The following SUFU variants were observed in gnomAD, a reference collection of about 807,000 sequenced individuals.
SUFU encodes the protein suppressor of fused homolog.
SUFU carries 7 observed loss-of-function variants against 58.9 expected under a neutral mutation model. The ratio of observed to expected loss-of-function variants is 0.12; its 90% CI spans 0.07 to 0.22. The LOEUF is 0.22. Ranked by LOEUF, SUFU falls within the 10% of genes least tolerant of loss-of-function variation. SUFU has a pLI of 1.00. For synonymous variants in SUFU, 232 were observed against 254.8 expected (o/e 0.91, Z 0.85); for missense variants, 451 against 641.3 (o/e 0.70, Z 3.20).
intron 2 of SUFU, among the ~76,000 whole-genome samples, chr10:102,524,444 C>T (rs568312759): frequency 6.6e-6 from 1 of 151,204 alleles, no homozygotes; most frequent in South Asian, 2.1e-4. Flanking sequence ...TCCTGCCTCA[C>T]CCTCCCAAGT....
In SUFU at chr10:102,506,064, A is replaced by G. The variant is rs867835495; in HGVS notation, c.182+1730A>G. ...GAAAAAAAAAAAAAAAAAAAAAAAA[A>G]AAGAAGTGGGCCTGGCTCTGCCACG... On this transcript the variant is annotated intron_variant, in intron 1 of 11. Transcript: ENST00000369902. Among the ~76,000 whole-genome samples the G allele has an allele frequency of 2.7e-5, 4 of 150,614 alleles. No individual in the cohort carries two copies. In the South Asian group the frequency reaches 6.3e-4, roughly 24 times the overall value.
At chr10:102,599,844 G>C (rs982762307) in intron 8 of SUFU, among the ~76,000 whole-genome samples, 9 of 152,210 alleles carry the variant, frequency 5.9e-5, no homozygotes, top group African/African-American at 2.2e-4. Context: ...TCCCAGCCTT[G>C]TGGGAGCCCA....
At chr10:102,564,601 G>A (rs1269320791) in intron 3 of SUFU, among the ~76,000 whole-genome samples, 1 of 152,186 alleles carries the variant, frequency 6.6e-6, no homozygotes, top group African/African-American at 2.4e-5. Flanking sequence ...CCAAAGTACT[G>A]GGGTTACAAG....
At chr10:102,586,871 C>T (rs1268031443) in intron 3 of SUFU, among the ~76,000 whole-genome samples, 1 of 152,186 alleles carries the variant, frequency 6.6e-6, no homozygotes, top group Non-Finnish European at 1.5e-5. Flanking sequence ...CTCGCTTCTC[C>T]CCCAGCCTCT....
At chr10:102,522,002 G>A (rs768014832) in intron 2 of SUFU, among the ~76,000 whole-genome samples, 4 of 152,144 alleles carry the variant, frequency 2.6e-5, no homozygotes, top group Non-Finnish European at 4.4e-5. Context: ...TGGGAGTGAC[G>A]CTGTCCCAGT....
chr10:102,598,474 C>G (rs1336281340), intron 7 of SUFU, among the ~76,000 whole-genome samples: 1 of 152,142 alleles, frequency 6.6e-6, no homozygotes, highest in African/African-American at 2.4e-5. Flanking sequence ...TCTTTCCTTC[C>G]TGTTTGTTCT....
chr10:102,517,675 G>A lies in SUFU; in HGVS notation c.317+8372G>A, dbSNP rs376644046. ...ATGTATCTTGCCTCTGAGGTATTCA[G>A]TGCAGCTTCATTTCTTGTTTCAGTT... On this transcript the variant is annotated intron_variant, in intron 2 of 11. Coordinates refer to ENST00000369902, the MANE Select transcript of SUFU (RefSeq NM_016169.4). 5.9e-5 allele frequency among the ~76,000 whole-genome samples: 9 copies of A among 152,270 alleles called. No individual in the cohort carries two copies. The East Asian group carries it at 1.2e-3, about 20-fold the overall frequency.
In SUFU at chr10:102,631,375, A is replaced by C; in HGVS notation, c.*1220A>C. ...TCGTGGTCCTCAGCCCCTCACCCCC[A>C]GTACTGCAGATCTCACAGTTTGCCT... is the stretch of plus-strand genomic sequence containing the variant. On this transcript the variant is annotated 3_prime_UTR_variant, in exon 12 of 12. Coordinates refer to ENST00000369902, the MANE Select transcript of SUFU (RefSeq NM_016169.4). 8.6e-6 allele frequency: 2 copies of C among 233,458 alleles called. No individual in the cohort carries two copies. Among genetic ancestry groups the C allele is most frequent in the Non-Finnish European group, 1.7e-5 (2 of 118,396 alleles). The allele number at this position is 233,458 out of a possible 1,614,324, so 14.5% of individuals were successfully genotyped here.
At chr10:102,594,265 A>C (rs982794314) in intron 6 of SUFU, among the ~76,000 whole-genome samples, 200 bp downstream of exon 6, 2 of 152,258 alleles carry the variant, frequency 1.3e-5, no homozygotes, top group South Asian at 4.1e-4. Flanking sequence ...GTCCTCAGAC[A>C]TATGTATTTT....
At chr10:102,570,265 G>A (rs747303336) in intron 3 of SUFU, among the ~76,000 whole-genome samples, 12 of 151,236 alleles carry the variant, frequency 7.9e-5, no homozygotes, top group Non-Finnish European at 1.3e-4. Flanking sequence ...TTATTGAGAC[G>A]GAGTCTTGTT....
At chr10:102,576,699 C>T (rs2135817041) in intron 3 of SUFU, among the ~76,000 whole-genome samples, 1 of 152,296 alleles carries the variant, frequency 6.6e-6, no homozygotes, top group East Asian at 1.9e-4. Context: ...AGGTCCATGG[C>T]AACTAAATGT....
chr10:102,562,580 A>C (rs1187440355), intron 3 of SUFU, among the ~76,000 whole-genome samples: 1 of 151,634 alleles, frequency 6.6e-6, no homozygotes, highest in Non-Finnish European at 1.5e-5. Flanking sequence ...TTCTATAGTT[A>C]AAAGTAAGTA....
intron 3 of SUFU, among the ~76,000 whole-genome samples, chr10:102,552,577 A>G (rs2135750058): frequency 6.6e-6 from 1 of 152,370 alleles, no homozygotes; most frequent in East Asian, 1.9e-4. Context: ...TTGAAAAAAA[A>G]GGGTCATTTT....
intron 2 of SUFU, among the ~76,000 whole-genome samples, chr10:102,545,293 A>ATTTTTTTTTTT (rs1162195255): frequency 2.8e-5 from 3 of 106,292 alleles, no homozygotes; most frequent in Non-Finnish European, 5.6e-5. Context: ...TAATTTTTGT[A>ATTTTTTTTTTT]TTTTTTTTTT....
At chr10:102,526,212 C>T (rs1380060008) in intron 2 of SUFU, among the ~76,000 whole-genome samples, 1 of 152,102 alleles carries the variant, frequency 6.6e-6, no homozygotes, top group Non-Finnish European at 1.5e-5. Context: ...AGCCACTGCA[C>T]GCCAGCCTGG....
At chr10:102,589,492 C>T (rs1168346281) in intron 3 of SUFU, among the ~76,000 whole-genome samples, 3 of 126,682 alleles carry the variant, frequency 2.4e-5, no homozygotes, top group African/African-American at 9.0e-5. Flanking sequence ...GTCACCCAGG[C>T]TGGAATGCAG....
chr10:102,585,907 CAG>C lies in SUFU; in HGVS notation c.455-6672_455-6671del, dbSNP rs2063331210. Reference sequence around the variant, plus strand: ...GTATATCTTTTTTTTTTTTTTTTGACAGAGTCTCACTCTGTTGCCCAGGCTGG... The same window carrying C: ...GTATATCTTTTTTTTTTTTTTTTGACAGTCTCACTCTGTTGCCCAGGCTGG... On this transcript the variant is annotated intron_variant, in intron 3 of 11. Coordinates refer to ENST00000369902, the MANE Select transcript of SUFU (RefSeq NM_016169.4). Among the ~76,000 whole-genome samples, 4 of 99,562 alleles carry C rather than the reference CAG, an allele frequency of 4.0e-5. No homozygotes were observed. The Admixed American group carries it at 4.5e-4, about 11-fold the overall frequency. The allele number at this position is 99,562 out of a possible 152,430, so 65.3% of individuals were successfully genotyped here.
intron 10 of SUFU, 124 bp from the exon 11 acceptor site, chr10:102,627,051 C>T: frequency 9.3e-7 from 1 of 1,073,052 alleles, no homozygotes. Flanking sequence ...CCCTGTGTCC[C>T]TTGAACAGAT....
rs1443220772 is a variant in SUFU at position 102,583,810 on chromosome 10, C to T, written c.455-8772C>T. ...CATGTTGGTGTGCTGCACCGATTAA[C>T]TCGTCATTTAACATTAGGTATATCT... On this transcript the variant is annotated intron_variant, in intron 3 of 11. Transcript: ENST00000369902. 2.0e-5 allele frequency among the ~76,000 whole-genome samples: 3 copies of T among 152,052 alleles called. No homozygotes were observed. In the East Asian group the frequency reaches 5.8e-4, roughly 29 times the overall value.
Sources: allele counts gnomAD v4.1 joint callset (sites outside exome capture counted in the v4.1 genomes callset), GRCh38; gene constraint gnomAD v4.1.1; transcripts MANE v1.5; gene names NCBI Gene and HGNC (gene_info 2026-07-23, HGNC 2026-07-21).